Variants in TYW1 observed in about 807,000 individuals in gnomAD.
The protein encoded by TYW1 is tRNA-yW synthesizing protein 1 homolog.
Under a neutral mutation model 96.2 loss-of-function variants are expected in TYW1, and 46 were observed. The observed-to-expected ratio is 0.48, with a 90% CI of 0.38 to 0.61. The LOEUF is 0.61. TYW1 is among the 20% of genes least tolerant of loss of function. The pLI is 0.00. For missense variants in TYW1, 684 were observed against 909.6 expected, an observed-to-expected ratio of 0.75 and a Z score of 3.19; for synonymous variants, 274 against 323.0, an observed-to-expected ratio of 0.85 and a Z score of 1.63.
At chr7:67,156,355 A>T (rs151266076) in intron 13 of TYW1, among the ~76,000 whole-genome samples, 2,612 of 152,290 alleles carry the variant, frequency 0.017, 101 homozygotes, top group Admixed American at 0.08. Context: ...GTTGATCCCC[A>T]GGCTCCTGGA....
At chr7:67,053,155 T>A (rs1275949303) in intron 8 of TYW1, among the ~76,000 whole-genome samples, 1 of 151,746 alleles carries the variant, frequency 6.6e-6, no homozygotes, top group Non-Finnish European at 1.5e-5. Flanking sequence ...ATCTTACTTT[T>A]ATGGCTTCTT....
intron 9 of TYW1, among the ~76,000 whole-genome samples, chr7:67,066,041 CT>C (rs1368642425): frequency 6.7e-6 from 1 of 149,278 alleles, no homozygotes; most frequent in African/African-American, 2.5e-5. Context: ...ACCCACACCC[CT>C]ATACACGTGT....
At chr7:67,213,271 G>C (rs140674787) in intron 15 of TYW1, among the ~76,000 whole-genome samples, 15 of 152,160 alleles carry the variant, frequency 9.9e-5, no homozygotes, top group African/African-American at 3.6e-4. Context: ...GGGCTAAGGG[G>C]ATCCTCCCAC....
At chr7:67,023,432 A>G (rs963938114) in intron 6 of TYW1, among the ~76,000 whole-genome samples, 2 of 152,194 alleles carry the variant, frequency 1.3e-5, no homozygotes, top group East Asian at 1.9e-4. Flanking sequence ...TTACTGAGAA[A>G]GTACCTGCTG....
chr7:67,055,863 G>T lies in TYW1; in HGVS notation c.1131G>T (p.Gly377=), dbSNP rs1356223783. The T allele has an allele frequency of 6.2e-7, 1 of 1,612,838 alleles. No homozygotes were observed. The change falls in exon 9 of 16, where the codon GGG becomes GGT. Residue 377 remains glycine, a synonymous_variant. Transcript: ENST00000359626. Reference sequence around the variant, plus strand: ...ATCAGTTGATTGGGAGCCACTCGGGGGTGAAGCTTTGCAGGTGGACAAAGG... The same window carrying T: ...ATCAGTTGATTGGGAGCCACTCGGGTGTGAAGCTTTGCAGGTGGACAAAGG... ...QGYQLIGSHS[G]VKLCRWTKSM...
chr7:67,030,082 C>T (rs1225993127), intron 7 of TYW1, among the ~76,000 whole-genome samples: 3 of 152,166 alleles, frequency 2.0e-5, no homozygotes, highest in Admixed American at 1.3e-4. Flanking sequence ...GTTCCTCAAC[C>T]AGGAAGCCCC....
Position 67,179,403 on chromosome 7 carries a change from A to C in TYW1, c.1699-3723A>C, listed in dbSNP as rs1258720551. The stretch of plus-strand genomic sequence containing the variant: ...TGGTCAGCAGGGTTGTGACCAGAAA[A>C]CAAGTCCTGCCAGTCTCCCACCTCA... On this transcript the variant is annotated intron_variant, in intron 13 of 15. Coordinates refer to ENST00000359626, the MANE Select transcript of TYW1 (RefSeq NM_018264.4). Among the ~76,000 whole-genome samples, 8 of 135,784 alleles carry C rather than the reference A, an allele frequency of 5.9e-5. 1 individual carries two copies. Among genetic ancestry groups the C allele is most frequent in the African/African-American group, 2.4e-4 (8 of 33,438 alleles). The allele number at this position is 135,784 out of a possible 152,430, so 89.1% of individuals were successfully genotyped here.
At chr7:67,075,400 G>C (rs1796171102) in intron 10 of TYW1, among the ~76,000 whole-genome samples, 1 of 152,126 alleles carries the variant, frequency 6.6e-6, no homozygotes, top group African/African-American at 2.4e-5. Context: ...AATCTTGTTA[G>C]ACAGTTCTCC....
intron 13 of TYW1, among the ~76,000 whole-genome samples, chr7:67,173,707 T>C (rs2690171): frequency 9.4e-5 from 14 of 148,534 alleles, no homozygotes; most frequent in South Asian, 2.2e-4. Flanking sequence ...CCTTGCTTTG[T>C]TCCTGATATT....
chr7:67,119,118 C>T (rs1377517079), intron 13 of TYW1, among the ~76,000 whole-genome samples: 1 of 89,360 alleles, frequency 1.1e-5, no homozygotes, highest in Non-Finnish European at 2.3e-5. Context: ...TTCCATTAAT[C>T]CTCCTTCCTT....
intron 11 of TYW1, among the ~76,000 whole-genome samples, chr7:67,087,234 G>A (rs1290208933): frequency 2.0e-5 from 3 of 152,176 alleles, no homozygotes; most frequent in Admixed American, 1.3e-4. Flanking sequence ...CCGTGAGCAC[G>A]TGTTTTTCAT....
chr7:67,065,710 G>A (rs1795835027), intron 9 of TYW1, among the ~76,000 whole-genome samples: 1 of 150,842 alleles, frequency 6.6e-6, no homozygotes, highest in African/African-American at 2.5e-5. Flanking sequence ...AAATAAGCTA[G>A]TAGACATTTA....
At chr7:67,212,469 A>G (rs1288475747) in intron 15 of TYW1, among the ~76,000 whole-genome samples, 1 of 152,244 alleles carries the variant, frequency 6.6e-6, no homozygotes. Context: ...ATTAATGCAC[A>G]GGTTTTTGTG....
At chr7:67,149,138 C>A (rs1178620025) in intron 13 of TYW1, among the ~76,000 whole-genome samples, 1 of 152,168 alleles carries the variant, frequency 6.6e-6, no homozygotes, top group East Asian at 1.9e-4. Context: ...AAATTTTTAG[C>A]CTGGCTATTG....
chr7:67,019,061 C>A (rs1228817954), intron 6 of TYW1, among the ~76,000 whole-genome samples: 1 of 151,442 alleles, frequency 6.6e-6, no homozygotes, highest in African/African-American at 2.4e-5. Flanking sequence ...AATTGCTTTA[C>A]CTCTCACTCA....
At chr7:67,003,685 TGTAAG>T (rs1793476673) in intron 3 of TYW1, among the ~76,000 whole-genome samples, 1 of 152,208 alleles carries the variant, frequency 6.6e-6, no homozygotes, top group African/African-American at 2.4e-5. Context: ...GTATTTTTTG[TGTAAG>T]GTTGCACTGG....
At chr7:67,045,388 A>T (rs145909145) in intron 7 of TYW1, among the ~76,000 whole-genome samples, 58 of 118,892 alleles carry the variant, frequency 4.9e-4, no homozygotes, top group East Asian at 1.7e-3. Context: ...TTAAAAAAAA[A>T]TTTTTTTTTT....
chr7:67,217,296 T>C (rs558117170), intron 15 of TYW1, among the ~76,000 whole-genome samples: 1 of 152,346 alleles, frequency 6.6e-6, no homozygotes, highest in South Asian at 2.1e-4. Context: ...ATTCTTTCTT[T>C]TCTTGCCTAT....
rs1156760317 is a variant in TYW1, at chr7:66,996,845, T to C, written c.-134T>C. Reference sequence around the variant, plus strand: ...AATCAGGACCGGCCTGGCAGTGTCATGGCTGCCCACAGGTCTGCAGGCACT... The same window carrying C: ...AATCAGGACCGGCCTGGCAGTGTCACGGCTGCCCACAGGTCTGCAGGCACT... On this transcript the variant is annotated 5_prime_UTR_variant, in exon 1 of 16. The change abolishes an upstream ATG in the 5' untranslated region. Coordinates refer to ENST00000359626, the MANE Select transcript of TYW1 (RefSeq NM_018264.4). 7.2e-5 allele frequency: 109 copies of C among 1,512,152 alleles called. No individual in the cohort carries two copies. In the Middle Eastern group the frequency reaches 1.7e-3, roughly 24 times the overall value. The allele number at this position is 1,512,152 out of a possible 1,614,324, so 93.7% of individuals were successfully genotyped here.
Sources: allele counts gnomAD v4.1 joint callset (sites outside exome capture counted in the v4.1 genomes callset), GRCh38; gene constraint gnomAD v4.1.1; transcripts MANE v1.5; gene names NCBI Gene and HGNC (gene_info 2026-07-23, HGNC 2026-07-21).